Variants in KIF9 observed in about 807,000 individuals in gnomAD.
KIF9 encodes the protein kinesin family member 9.
In KIF9, 68 loss-of-function variants were observed where a neutral mutation model predicts 94.8. That is an observed-to-expected ratio of 0.72 (90% CI 0.59 to 0.88). The LOEUF (loss-of-function observed/expected upper bound fraction) is 0.88. Among genes scored for constraint, KIF9 ranks in the 40% least tolerant of loss-of-function variants. KIF9 has a pLI of 0.00. For missense variants in KIF9, 882 were observed against 982.5 expected (o/e 0.90, Z 1.37); for synonymous variants, 343 against 362.1 (o/e 0.95, Z 0.60).
chr3:47,280,426 G>A (rs936950983), intron 1 of KIF9, among the ~76,000 whole-genome samples: 1 of 152,224 alleles, frequency 6.6e-6, no homozygotes, highest in African/African-American at 2.4e-5. Context: ...ATCAACCTCA[G>A]CTGGGCATGG....
At chr3:47,245,387 G>A in intron 14 of KIF9, 34 bp downstream of exon 14, 1 of 1,507,702 alleles carries the variant, frequency 6.6e-7, no homozygotes, top group Non-Finnish European at 9.2e-7. Flanking sequence ...GAAATCTGAG[G>A]TGAGTGCTGT....
At chr3:47,265,688 G>T (rs377328901) in intron 8 of KIF9, 42 bp downstream of exon 8, 16 of 1,603,794 alleles carry the variant, frequency 1.0e-5, no homozygotes, top group African/African-American at 1.3e-5. Flanking sequence ...CCTCCCCAAA[G>T]ACACAGACCC....
At chr3:47,237,145 A>G (rs1202560968) in intron 17 of KIF9, among the ~76,000 whole-genome samples, 2 of 152,074 alleles carry the variant, frequency 1.3e-5, no homozygotes, top group Non-Finnish European at 2.9e-5. Context: ...CCCAGGCTAG[A>G]GTGCAGTGGC....
At chr3:47,268,528 C>T (rs1238322110) in intron 5 of KIF9, among the ~76,000 whole-genome samples, 1 of 151,560 alleles carries the variant, frequency 6.6e-6, no homozygotes, top group South Asian at 2.1e-4. Context: ...CAGGCCTGTT[C>T]TACAAATCCA....
intron 16 of KIF9, among the ~76,000 whole-genome samples, chr3:47,241,733 A>G (rs149833567): frequency 0.011 from 1,578 of 148,024 alleles, 37 homozygotes; most frequent in African/African-American, 0.037. Context: ...CATTTTATAT[A>G]TGTGTGTGTA....
At chr3:47,246,837 G>T (rs554507773) in intron 12 of KIF9, among the ~76,000 whole-genome samples, 1 of 152,282 alleles carries the variant, frequency 6.6e-6, no homozygotes, top group African/African-American at 2.4e-5. Context: ...CAGCCAGGGG[G>T]GTCTGCCCAT....
At chr3:47,244,587 G>A in intron 15 of KIF9, 2 of 624,580 alleles carry the variant, frequency 3.2e-6, no homozygotes, top group South Asian at 3.9e-5. Flanking sequence ...CCAGGTTGCT[G>A]TGAGGACGAG....
chr3:47,236,780 C>A (rs933188484), intron 17 of KIF9, among the ~76,000 whole-genome samples, 161 bp from the exon 18 acceptor site: 10 of 152,150 alleles, frequency 6.6e-5, no homozygotes, highest in Non-Finnish European at 1.3e-4. Flanking sequence ...CACAAGAAGG[C>A]CAGGCTGCCA....
chr3:47,265,379 A>T (rs929223196), intron 8 of KIF9, among the ~76,000 whole-genome samples: 1 of 152,126 alleles, frequency 6.6e-6, no homozygotes, highest in Non-Finnish European at 1.5e-5. Context: ...TGCTCTGTAC[A>T]GGAGGCTGCA....
chr3:47,240,532 T>C (rs1699391888), intron 17 of KIF9, among the ~76,000 whole-genome samples: 1 of 152,118 alleles, frequency 6.6e-6, no homozygotes, highest in Non-Finnish European at 1.5e-5. Flanking sequence ...CCAGGGACAG[T>C]AGCACATATG....
intron 2 of KIF9, 58 bp from the exon 3 acceptor site, chr3:47,275,548 A>C (rs1386288101): frequency 2.2e-6 from 3 of 1,351,614 alleles, no homozygotes; most frequent in African/African-American, 1.5e-5. Flanking sequence ...GGGTATAAAA[A>C]AAATCACTGA....
intron 9 of KIF9, among the ~76,000 whole-genome samples, chr3:47,260,904 CGA>C (rs1700929282): frequency 6.6e-6 from 1 of 152,168 alleles, no homozygotes; most frequent in South Asian, 2.1e-4. Flanking sequence ...GTGAGGGAGG[CGA>C]GAGCCAGGTC....
chr3:47,244,834 C>T lies in KIF9; in HGVS notation c.1471G>A (p.Gly491Arg). The change falls in exon 15 of 21, where the codon GGG (glycine) becomes AGG (arginine). Residue 491 changes from glycine to arginine, a missense_variant. Physicochemically the swap from Gly to Arg is moderately radical, Grantham distance 125 (BLOSUM62 -2). Transcript: ENST00000684063. ...GTCTTCTTGGACTTGGCTTTCTTCC[C>T]AGGTTTGGTAGAGAAAGGGGCGACT... is the stretch of plus-strand genomic sequence containing the variant. ...LGVAPFSTKP[G>R]KKAKSKKTFK... The T allele has an allele frequency of 6.2e-7, 1 of 1,614,118 alleles. No individual in the cohort carries two copies. Among genetic ancestry groups the T allele is most frequent in the South Asian group, 1.1e-5 (1 of 91,080 alleles).
At chr3:47,281,542 T>C (rs1296791162) in intron 1 of KIF9, among the ~76,000 whole-genome samples, 1 of 152,050 alleles carries the variant, frequency 6.6e-6, no homozygotes. Flanking sequence ...GAGACAGGGT[T>C]TCGCCATGTT....
chr3:47,265,804 G>GA lies in KIF9; in HGVS notation c.841_842insT (p.Ala281ValfsTer63). 6.2e-7 allele frequency: 1 copy of GA among 1,614,170 alleles called. No homozygotes were observed. The highest frequency in any genetic ancestry group is 8.5e-7 in the Non-Finnish European group (1 of 1,180,004). On this transcript the variant is annotated frameshift_variant, in exon 8 of 21. Coordinates refer to ENST00000684063, the MANE Select transcript of KIF9 (RefSeq NM_182902.4). LOFTEE classifies it high-confidence loss of function. ...GTGGTCCCGCTTCTGGTCCCCAAGG[G>GA]CAATGATGGCCTGCTCCAGGAATGA...
At chr3:47,278,700 G>A (rs1303189924) in intron 1 of KIF9, among the ~76,000 whole-genome samples, 2 of 151,928 alleles carry the variant, frequency 1.3e-5, no homozygotes, top group South Asian at 2.1e-4. Context: ...AGCCAGGTGC[G>A]GTGGCTCAGG....
rs1467726357 is a variant in KIF9 at position 47,250,442 on chromosome 3, C to G, written c.1060-2356G>C. The G allele has an allele frequency of 3.5e-5, 8 of 230,244 alleles. No homozygotes were observed. The Admixed American group carries it at 4.0e-4, about 11-fold the overall frequency. 14.3% of individuals were successfully genotyped at this position (230,244 alleles called of 1,614,324 possible). On this transcript the variant is annotated intron_variant, in intron 10 of 20. Coordinates refer to ENST00000684063, the MANE Select transcript of KIF9 (RefSeq NM_182902.4). ...TTTCTGTTCATGCAGTCAGGTATTC[C>G]AAGTGCTTTAAAAAGCACTTGGCAC...
intron 20 of KIF9, 83 bp from the exon 21 acceptor site, chr3:47,228,785 C>T (rs766816450): frequency 3.9e-6 from 4 of 1,026,278 alleles, no homozygotes; most frequent in Non-Finnish European, 6.2e-6. Flanking sequence ...CTCACATTCA[C>T]CCTATCATTC....
At chr3:47,237,060 T>TTGTC (rs1313351743) in intron 17 of KIF9, among the ~76,000 whole-genome samples, 2 of 152,232 alleles carry the variant, frequency 1.3e-5, no homozygotes, top group Non-Finnish European at 2.9e-5. Context: ...GATGTTCAAA[T>TTGTC]TGTCTCTTGC....
Sources: gnomAD v4.1 joint callset for allele counts (sites outside exome capture counted in the v4.1 genomes callset) on GRCh38, gnomAD v4.1.1 for gene constraint, MANE v1.5 for transcripts, NCBI Gene and HGNC (gene_info 2026-07-23, HGNC 2026-07-21) for gene names.